CBLC: variants seen among roughly 807,000 people sequenced by gnomAD.
The protein encoded by CBLC is Cbl proto-oncogene C.
Under a neutral mutation model 58.6 loss-of-function variants are expected in CBLC, and 46 were observed. That is an observed-to-expected ratio of 0.79 (90% CI 0.62 to 1.00). The LOEUF (loss-of-function observed/expected upper bound fraction) is 1.00, where lower values mean the gene tolerates loss of function less well. Among genes scored for constraint, CBLC ranks in the 50% least tolerant of loss-of-function variants. The pLI, the probability that CBLC is intolerant of heterozygous loss-of-function variation, is 0.00. For synonymous variants in CBLC, 271 were observed against 264.2 expected (o/e 1.03, Z -0.25); for missense variants, 655 against 625.8 (o/e 1.05, Z -0.50).
intron 7 of CBLC, among the ~76,000 whole-genome samples, chr19:44,793,106 C>T (rs1235918694): frequency 6.6e-6 from 1 of 152,104 alleles, no homozygotes. Flanking sequence ...GAGCAGAGAT[C>T]GTGCCGCTGC....
At chr19:44,791,307 CAAAA>C (rs57655043) in intron 6 of CBLC, among the ~76,000 whole-genome samples, 3 of 78,138 alleles carry the variant, frequency 3.8e-5, no homozygotes, top group South Asian at 3.8e-4. Flanking sequence ...CTCTGTCCCG[CAAAA>C]AAAAAAAAAA....
chr19:44,779,058 T>C (rs1967655282), intron 1 of CBLC, among the ~76,000 whole-genome samples: 1 of 152,218 alleles, frequency 6.6e-6, no homozygotes, highest in Non-Finnish European at 1.5e-5. Flanking sequence ...TATCCCACTA[T>C]CTCAGAATTC....
In CBLC at chr19:44,781,373, G is replaced by T. The variant is rs781677029; in HGVS notation, c.657+10G>T. 13 of 1,605,152 alleles carry T rather than the reference G, an allele frequency of 8.1e-6. No individual in the cohort carries two copies. Among genetic ancestry groups the T allele is most frequent in the Admixed American group, 5.0e-5 (3 of 59,804 alleles). ...CACCAGGCTCTTTCAGGTCAGGGAA[G>T]GCCAAGGCTGGGAGCTAGACTTGGG... On this transcript the variant is annotated intron_variant, in intron 3 of 10. Coordinates refer to ENST00000647358, the MANE Select transcript of CBLC (RefSeq NM_012116.4).
intron 6 of CBLC, 42 bp downstream of exon 6, chr19:44,790,133 C>CT (rs1242243014): frequency 1.4e-6 from 2 of 1,472,906 alleles, no homozygotes; most frequent in South Asian, 2.3e-5. Flanking sequence ...TTCCCTGACC[C>CT]TGCCACCCCC....
intron 9 of CBLC, among the ~76,000 whole-genome samples, chr19:44,797,881 C>T (rs1275327440): frequency 6.6e-6 from 1 of 151,856 alleles, no homozygotes; most frequent in East Asian, 1.9e-4. Flanking sequence ...GCTGGGACTA[C>T]AGGTGCCTGT....
At chr19:44,782,272 T>G in intron 3 of CBLC, 98 bp from the exon 4 acceptor site, 9 of 1,542,326 alleles carry the variant, frequency 5.8e-6, no homozygotes, top group Non-Finnish European at 7.9e-6. Context: ...CCACCATGGG[T>G]GTGAAGGAGG....
chr19:44,790,559 C>T (rs1055386400), intron 6 of CBLC, among the ~76,000 whole-genome samples: 8 of 152,020 alleles, frequency 5.3e-5, no homozygotes, highest in African/African-American at 1.7e-4. Context: ...CTCAGCCTCC[C>T]GAGCAGCCAG....
intron 5 of CBLC, among the ~76,000 whole-genome samples, chr19:44,787,365 G>A (rs1323961378): frequency 6.6e-6 from 1 of 152,080 alleles, no homozygotes; most frequent in Admixed American, 6.6e-5. Flanking sequence ...CTGTACTTCA[G>A]CCTGGGTGAC....
chr19:44,800,175 C>G (rs529028344), intron 9 of CBLC, among the ~76,000 whole-genome samples: 5 of 152,332 alleles, frequency 3.3e-5, no homozygotes, highest in South Asian at 2.1e-4. Context: ...TCTCCTCCCC[C>G]CAGGCACTTT....
At chr19:44,794,457 CTTTTT>C (rs200824891) in intron 9 of CBLC, among the ~76,000 whole-genome samples, 176 bp downstream of exon 9, 1 of 78,346 alleles carries the variant, frequency 1.3e-5, no homozygotes, top group Non-Finnish European at 2.4e-5. Context: ...CTGGGACTTT[CTTTTT>C]TTTTTTTTTT....
At chr19:44,783,240 C>CG in intron 4 of CBLC, among the ~76,000 whole-genome samples, 1 of 152,096 alleles carries the variant, frequency 6.6e-6, no homozygotes, top group African/African-American at 2.4e-5. Flanking sequence ...GGCGCAGTGG[C>CG]TCACGCCTGT....
chr19:44,780,564 C>T (rs1307388566), intron 1 of CBLC, among the ~76,000 whole-genome samples: 1 of 151,106 alleles, frequency 6.6e-6, no homozygotes, highest in African/African-American at 2.4e-5. Context: ...CCTCTGCCTC[C>T]CGGGCTCCAG....
Position 44,789,997 on chromosome 19 carries a change from C to G in CBLC, c.918-7C>G, listed in dbSNP as rs1305177954. ...CCCCCCAGTCCCCCTCTCTTCCCTTCCCCCAGCTACCTCTACCCAGATGGA... is the reference window on the plus strand; with the variant it reads ...CCCCCCAGTCCCCCTCTCTTCCCTTGCCCCAGCTACCTCTACCCAGATGGA... On this transcript the variant is annotated splice_polypyrimidine_tract_variant and splice_region_variant and intron_variant, in intron 5 of 10. Transcript: ENST00000647358. The G allele has an allele frequency of 2.5e-6, 4 of 1,607,940 alleles. No homozygotes were observed. Among genetic ancestry groups the G allele is most frequent in the Non-Finnish European group, 3.4e-6 (4 of 1,174,650 alleles).
upstream of CBLC, chr19:44,777,871 T>C: frequency 7.1e-7 from 1 of 1,409,710 alleles, no homozygotes; most frequent in Admixed American, 3.0e-5. Context: ...CTCCTTTCAC[T>C]CTGGGCGAGG....
chr19:44,784,981 T>G lies in CBLC; in HGVS notation c.917+580T>G, dbSNP rs1231074343. Among the ~76,000 whole-genome samples the G allele has an allele frequency of 4.1e-3, 515 of 126,348 alleles. 28 individuals are homozygous for G. The highest frequency in any genetic ancestry group is 0.016 in the African/African-American group (495 of 30,732). 82.9% of individuals were successfully genotyped at this position (126,348 alleles called of 152,430 possible). A position where few individuals can be genotyped will look rare whatever the true frequency, so the allele number is the denominator to read the frequency against. On this transcript the variant is annotated intron_variant, in intron 5 of 10. Coordinates refer to ENST00000647358, the MANE Select transcript of CBLC (RefSeq NM_012116.4). ...TTTTTTTTTTTTTTTTTTTTTTTTT[T>G]TTTTTTTTGAGACAGAGTCTTGCTC...
At chr19:44,784,950 G>GTTTTTTTGTTTTTTTT (rs1967850555) in intron 5 of CBLC, among the ~76,000 whole-genome samples, 1 of 34,356 alleles carries the variant, frequency 2.9e-5, no homozygotes, top group Non-Finnish European at 6.6e-5. Context: ...CTAGACAGGT[G>GTTTTTTTGTTTTTTTT]TTTTTTTTTT....
rs759152258 is a variant in CBLC at position 44,777,981 on chromosome 19, C to T, written c.50C>T (p.Ala17Val). 1 of 1,606,964 alleles carries T rather than the reference C, an allele frequency of 6.2e-7. No individual in the cohort carries two copies. Among genetic ancestry groups the T allele is most frequent in the Non-Finnish European group, 8.5e-7 (1 of 1,178,950 alleles). ...GGGCGACAGTGGGAAGAGGCCCGCG[C>T]CCTGGGCCGGGCAGTCAGGATGCTG... ...PWGRQWEEAR[A>V]LGRAVRMLQR... The change falls in exon 1 of 11, where the codon GCC (alanine) becomes GTC (valine). Residue 17 changes from alanine to valine, a missense_variant. Ala to Val is a moderately conservative substitution (Grantham distance 64). Around this residue, in one of 3 missense-constraint regions of CBLC, gnomAD observed 280 missense variants for 237.2 expected, o/e 1.18. Transcript: ENST00000647358.
chr19:44,786,138 C>A (rs1967900023), intron 5 of CBLC, among the ~76,000 whole-genome samples: 1 of 151,818 alleles, frequency 6.6e-6, no homozygotes, highest in African/African-American at 2.4e-5. Flanking sequence ...ACCACACACC[C>A]TGAATTATTG....
Position 44,792,478 on chromosome 19 carries a change from G to C in CBLC, c.1101G>C (p.Gly367=), listed in dbSNP as rs778634807. 70 of 1,610,022 alleles carry C rather than the reference G, an allele frequency of 4.3e-5. 2 individuals carry two copies. In the South Asian group the frequency reaches 6.4e-4, roughly 15 times the overall value. Residue 367 remains glycine (G), a synonymous_variant, in exon 7 of 11, where the codon GGG becomes GGC. Coordinates refer to ENST00000647358, the MANE Select transcript of CBLC (RefSeq NM_012116.4). ...AGGATGTGAAGATTGAGCCGTGCGG[G>C]CACCTGCTCTGCAGCTGCTGCCTGG... ...SNKDVKIEPC[G]HLLCSCCLAA...
Sources: gnomAD v4.1 joint callset for allele counts (sites outside exome capture counted in the v4.1 genomes callset) on GRCh38, gnomAD v4.1.1 for gene constraint, gnomAD v4.1.1 regional missense constraint, MANE v1.5 for transcripts, NCBI Gene and HGNC (gene_info 2026-07-23, HGNC 2026-07-21) for gene names.